Variants in ZAN observed in about 807,000 individuals in gnomAD.
ZAN encodes zonadhesin (gene/pseudogene).
Under a neutral mutation model 286.2 loss-of-function variants are expected in ZAN, and 260 were observed. The ratio of observed to expected loss-of-function variants is 0.91; its 90% CI spans 0.82 to 1.01. The LOEUF is 1.01. ZAN is among the 50% of genes least tolerant of loss of function. The pLI is 0.00. For missense variants in ZAN, 3,410 were observed against 3,639.2 expected (o/e 0.94, Z 1.62); for synonymous variants, 1,368 against 1,417.5 (o/e 0.97, Z 0.79).
At chr7:100,766,884 A>T in intron 24 of ZAN, 126 bp from the exon 25 acceptor site, 2 of 1,516,548 alleles carry the variant, frequency 1.3e-6, no homozygotes, top group Non-Finnish European at 8.9e-7. Context: ...CTTCCTAGGG[A>T]AACACCACAT....
Position 100,773,316 on chromosome 7 carries a change from C to G in ZAN, c.5457C>G (p.Ser1819Arg). 6.2e-7 allele frequency: 1 copy of G among 1,613,786 alleles called. No homozygotes were observed. ...GGTGCCCACCTGGCAGCAGCTACAG[C>G]CCCTGCAGCAGCCCCTGCCCAGACA... ...PMRCPPGSSY[S>R]PCSSPCPDTC... Residue 1819 changes from serine (S) to arginine (R), a missense_variant, in exon 30 of 48, where the codon AGC (serine) becomes AGG (arginine). Around this residue, in one of 7 missense-constraint regions of ZAN, gnomAD observed 1,289 missense variants for 1,314.3 expected, o/e 0.98. Coordinates refer to ENST00000613979, the MANE Select transcript of ZAN (RefSeq NM_003386.3).
In ZAN at chr7:100,746,541, G is replaced by T. The variant is rs752297947; in HGVS notation, c.770G>T (p.Gly257Val). 6.2e-7 allele frequency: 1 copy of T among 1,613,780 alleles called. No homozygotes were observed. The highest frequency in any genetic ancestry group is 8.5e-7 in the Non-Finnish European group (1 of 1,179,832). ...PDGDFSSPGS[G>V]CYMLLDPKNA... ...TCCCTGGCCTTTTGCTTCACAGGTG[G>T]CTGCTACATGCTCCTGGACCCCAAG... The change falls in exon 8 of 48, where the codon GGC becomes GTC. Residue 257 changes from glycine to valine, a missense_variant. Transcript: ENST00000613979.
At position 100,795,305 on chromosome 7, in the gene ZAN, G is replaced by A; in HGVS notation, c.8235G>A (p.Glu2745=). 1 of 1,599,358 alleles carries A rather than the reference G, an allele frequency of 6.3e-7. No individual in the cohort carries two copies. Among genetic ancestry groups the A allele is most frequent in the Non-Finnish European group, 8.5e-7 (1 of 1,171,098 alleles). Residue 2745 remains glutamate, a synonymous_variant, in exon 45 of 48, where the codon GAG becomes GAA. Transcript: ENST00000613979. ...GTTACGGGGGAGGCCTGTGTATGGA[G>A]CCTCGAGATGCGCCACCTCCCAGAA... The part of the protein sequence containing the change: ...EVGYGGGLCM[E]PRDAPPPRKP...
intron 7 of ZAN, among the ~76,000 whole-genome samples, 167 bp from the exon 8 acceptor site, chr7:100,746,371 A>T (rs891826260): frequency 1.3e-5 from 2 of 152,142 alleles, no homozygotes; most frequent in African/African-American, 2.4e-5. Context: ...TTCTAGGAAA[A>T]GTTGAAGACC....
At chr7:100,768,291 G>A (rs1167933652) in intron 26 of ZAN, among the ~76,000 whole-genome samples, 1 of 152,170 alleles carries the variant, frequency 6.6e-6, no homozygotes, top group Non-Finnish European at 1.5e-5. Context: ...GGCCAACATG[G>A]CAAAAACCTG....
intron 29 of ZAN, among the ~76,000 whole-genome samples, chr7:100,772,714 G>A (rs558688279): frequency 1.5e-4 from 23 of 151,458 alleles, no homozygotes; most frequent in African/African-American, 3.4e-4. Flanking sequence ...CCAGCTACTC[G>A]GGAGGCTGAA....
At chr7:100,797,308 C>T (rs889573618) in intron 45 of ZAN, 58 bp from the exon 46 acceptor site, 1 of 1,535,578 alleles carries the variant, frequency 6.5e-7, no homozygotes, top group Non-Finnish European at 9.0e-7. Context: ...GAGTACCCCT[C>T]AGTCCCCACC....
intron 41 of ZAN, 109 bp from the exon 42 acceptor site, chr7:100,792,296 G>A: frequency 1.3e-6 from 2 of 1,515,594 alleles, no homozygotes; most frequent in Admixed American, 4.3e-5. Context: ...ACCCTCACTG[G>A]ACACCGACTG....
intron 22 of ZAN, among the ~76,000 whole-genome samples, 193 bp from the exon 23 acceptor site, chr7:100,765,159 G>A (rs967116457): frequency 2.0e-5 from 3 of 152,156 alleles, no homozygotes; most frequent in Non-Finnish European, 4.4e-5. Flanking sequence ...TCTCAGGGCC[G>A]GCGCCTTAGT....
chr7:100,762,600 A>G (rs1809676576), intron 20 of ZAN, among the ~76,000 whole-genome samples: 1 of 151,208 alleles, frequency 6.6e-6, no homozygotes, highest in South Asian at 2.1e-4. Flanking sequence ...TAATTTTAGT[A>G]TTTTTGTAGA....
At chr7:100,782,981 C>T (rs1278770095) in intron 35 of ZAN, among the ~76,000 whole-genome samples, 5 of 152,060 alleles carry the variant, frequency 3.3e-5, no homozygotes, top group Admixed American at 3.3e-4. Context: ...TTAAAATGAG[C>T]TTTGGGCTGG....
chr7:100,738,111 C>T (rs1584543043), intron 6 of ZAN, among the ~76,000 whole-genome samples: 2 of 140,068 alleles, frequency 1.4e-5, no homozygotes, highest in African/African-American at 5.2e-5. Flanking sequence ...TGCCCACCAC[C>T]ATGCCTGGCT....
chr7:100,792,649 C>A, intron 42 of ZAN, 170 bp downstream of exon 42: 1 of 1,394,380 alleles, frequency 7.2e-7, no homozygotes, highest in South Asian at 1.6e-5. Flanking sequence ...GTCTTAGTCC[C>A]ATCATCCCTC....
Position 100,790,873 on chromosome 7 carries a change from A to G in ZAN, c.7358-69A>G, listed in dbSNP as rs1364569795. 9 of 1,433,376 alleles carry G rather than the reference A, an allele frequency of 6.3e-6. No individual in the cohort carries two copies. The Admixed American group carries it at 7.6e-5, about 12-fold the overall frequency. 88.8% of individuals were successfully genotyped at this position (1,433,376 alleles called of 1,614,324 possible). On this transcript the variant is annotated intron_variant, in intron 39 of 47. Coordinates refer to ENST00000613979, the MANE Select transcript of ZAN (RefSeq NM_003386.3). The stretch of plus-strand genomic sequence containing the variant: ...ACTCCAGCCTGGGCAACAGAGCAAG[A>G]CTGTCTAAAAAAAAAAAAAAAAAAA...
In ZAN at chr7:100,768,690, G is replaced by T. The variant is rs371235933; in HGVS notation, c.5122G>T (p.Ala1708Ser). The T allele has an allele frequency of 1.2e-6, 2 of 1,605,766 alleles. No homozygotes were observed. The highest frequency in any genetic ancestry group is 1.7e-6 in the Non-Finnish European group (2 of 1,176,202). The part of the protein sequence containing the change: ...LAGDSMQLGA[A>S]WKLPESSEPG... The stretch of plus-strand genomic sequence containing the variant: ...AGGCGATTCCATGCAGCTGGGGGCC[G>T]CCTGGAAGTTACCTGAATCCTCTGA... Residue 1708 changes from alanine to serine, a missense_variant, in exon 27 of 48, where the codon GCC (alanine) becomes TCC (serine). Ala to Ser is a moderately conservative substitution (Grantham distance 99). Coordinates refer to ENST00000613979, the MANE Select transcript of ZAN (RefSeq NM_003386.3).
chr7:100,778,323 G>A (rs1810956235), intron 34 of ZAN, among the ~76,000 whole-genome samples: 1 of 151,522 alleles, frequency 6.6e-6, no homozygotes, highest in Non-Finnish European at 1.5e-5. Context: ...TTTAAAAACA[G>A]CCGGGTGCAG....
intron 7 of ZAN, among the ~76,000 whole-genome samples, chr7:100,745,978 C>G (rs1233739181): frequency 1.3e-5 from 2 of 151,964 alleles, no homozygotes; most frequent in African/African-American, 2.4e-5. Context: ...AATCCCAGCA[C>G]TTTGGGAAGC....
Position 100,766,508 on chromosome 7 carries a change from C to T in ZAN, c.4471-17C>T. On this transcript the variant is annotated splice_polypyrimidine_tract_variant and intron_variant, in intron 23 of 47. Transcript: ENST00000613979. ...AAAAAAAAACACTTTCTCTTCCTTC[C>T]CTGCTGTCTTCCCCAGGTAGGGGAG... 1 of 1,544,964 alleles carries T rather than the reference C, an allele frequency of 6.5e-7. No homozygotes were observed. Among genetic ancestry groups the T allele is most frequent in the Non-Finnish European group, 8.8e-7 (1 of 1,142,816 alleles).
intron 7 of ZAN, among the ~76,000 whole-genome samples, chr7:100,746,207 C>T (rs1808204692): frequency 6.6e-6 from 1 of 152,166 alleles, no homozygotes; most frequent in Non-Finnish European, 1.5e-5. Context: ...CACTGCACTC[C>T]AGACTGGGCG....
Sources: allele counts gnomAD v4.1 joint callset (sites outside exome capture counted in the v4.1 genomes callset), GRCh38; gene constraint gnomAD v4.1.1; regional missense constraint gnomAD v4.1.1; transcripts MANE v1.5; gene names NCBI Gene and HGNC (gene_info 2026-07-23, HGNC 2026-07-21).